MYOM2: variants seen among roughly 807,000 people sequenced by gnomAD.
MYOM2 encodes myomesin-2.
In MYOM2, 254 loss-of-function variants were observed where a neutral mutation model predicts 187.6. That is an observed-to-expected ratio of 1.35 (90% CI 1.22 to 1.50). The LOEUF is 1.50. Among genes scored for constraint, MYOM2 ranks in the 40% most tolerant of loss-of-function variants. MYOM2 has a pLI of 0.00. For missense variants in MYOM2, 2,796 were observed against 1,924.0 expected (o/e 1.45, Z -8.48); for synonymous variants, 981 against 753.8 (o/e 1.30, Z -4.94).
chr8:2,136,104 G>A (rs1798059902), intron 32 of MYOM2, among the ~76,000 whole-genome samples: 1 of 152,232 alleles, frequency 6.6e-6, no homozygotes. Flanking sequence ...AACAGAATTA[G>A]AACCCAGTCC....
In MYOM2 at chr8:2,073,441, C is replaced by A. The variant is rs1383888311; in HGVS notation, c.1061C>A (p.Thr354Asn). 4 of 1,612,276 alleles carry A rather than the reference C, an allele frequency of 2.5e-6. No individual in the cohort carries two copies. Among genetic ancestry groups the A allele is most frequent in the Admixed American group, 1.7e-5 (1 of 59,928 alleles). ...HLHKDDEGLY[T>N]LRIVSRGGVS... ...CACAAGGACGACGAGGGCCTGTACA[C>A]CCTGCGCATCGTGTCTCGGGGCGGC... is the stretch of plus-strand genomic sequence containing the variant. Residue 354 changes from threonine to asparagine, a missense_variant, in exon 10 of 37, where the codon ACC becomes AAC. By Grantham distance (65) the Thr-to-Asn change is moderately conservative. Coordinates refer to ENST00000262113, the MANE Select transcript of MYOM2 (RefSeq NM_003970.4).
intron 21 of MYOM2, 50 bp downstream of exon 21, chr8:2,102,831 T>A (rs1403439359): frequency 1.4e-6 from 2 of 1,439,082 alleles, no homozygotes; most frequent in Non-Finnish European, 1.9e-6. Flanking sequence ...GTGGGGAGAG[T>A]GTGCATGTAT....
Position 2,052,305 on chromosome 8 carries a change from C to G in MYOM2, c.255C>G (p.Asn85Lys), listed in dbSNP as rs1236104593. Reference protein sequence around the residue: ...VSTQEDEEQENRSRYQSLVAA... With the variant: ...VSTQEDEEQEKRSRYQSLVAA... ...CGCAGGAAGATGAGGAGCAGGAGAA[C>G]AGAAGCAGGTGAGCACATGGCTTCC... The change falls in exon 3 of 37, where the codon AAC (asparagine) becomes AAG (lysine). Residue 85 changes from asparagine to lysine, a missense_variant. Transcript: ENST00000262113. 6.2e-7 allele frequency: 1 copy of G among 1,602,724 alleles called. No individual in the cohort carries two copies. The highest frequency in any genetic ancestry group is 1.1e-5 in the South Asian group (1 of 89,556).
chr8:2,128,719 A>G (rs1005685768), intron 31 of MYOM2, among the ~76,000 whole-genome samples: 1 of 151,966 alleles, frequency 6.6e-6, no homozygotes, highest in Non-Finnish European at 1.5e-5. Flanking sequence ...CTTGACTCCC[A>G]CCTGAAAGAG....
intron 15 of MYOM2, among the ~76,000 whole-genome samples, chr8:2,091,655 C>G (rs548051207): frequency 1.3e-5 from 2 of 152,346 alleles, no homozygotes; most frequent in Non-Finnish European, 1.5e-5. Context: ...AAGTTTCTAT[C>G]TGGCTCTGGT....
chr8:2,123,622 T>A lies in MYOM2; in HGVS notation c.3635T>A (p.Ile1212Asn), dbSNP rs758069225. The change falls in exon 30 of 37, where the codon ATC (isoleucine) becomes AAC (asparagine). Residue 1212 changes from isoleucine to asparagine, a missense_variant. Transcript: ENST00000262113. ...GATGACAGAGGCCAAGATGTGTCCA[T>A]CCTTGAAATAGCTGGCAAAGGTAAA... ...LKDDRGQDVS[I>N]LEIAGKVYDD... is the part of the protein sequence containing the mutation. The A allele has an allele frequency of 2.5e-6, 4 of 1,614,200 alleles. No homozygotes were observed. Among genetic ancestry groups the A allele is most frequent in the Non-Finnish European group, 3.4e-6 (4 of 1,180,010 alleles).
chr8:2,124,449 T>A lies in MYOM2; in HGVS notation c.3694+232T>A, dbSNP rs535167546. ...TACTTTAAGAAACTCAGGTTGGGCG[T>A]CCTGATTAGCCACTTCTTCCATCCT... On this transcript the variant is annotated intron_variant, in intron 31 of 36. Coordinates refer to ENST00000262113, the MANE Select transcript of MYOM2 (RefSeq NM_003970.4). 3.1e-4 allele frequency among the ~76,000 whole-genome samples: 47 copies of A among 152,306 alleles called. No homozygotes were observed. In the South Asian group the frequency reaches 6.2e-3, roughly 20 times the overall value.
intron 18 of MYOM2, among the ~76,000 whole-genome samples, chr8:2,098,310 C>T (rs968055358): frequency 6.6e-6 from 1 of 152,190 alleles, no homozygotes; most frequent in African/African-American, 2.4e-5. Flanking sequence ...GTCCCCCAGC[C>T]AGGCAGCGTC....
chr8:2,141,299 C>A, intron 34 of MYOM2, 122 bp downstream of exon 34: 2 of 767,340 alleles, frequency 2.6e-6, no homozygotes, highest in Non-Finnish European at 4.3e-6. Flanking sequence ...ATTCCTGGGA[C>A]AGAAGTGGGA....
At chr8:2,117,649 G>A (rs1415794616) in intron 27 of MYOM2, among the ~76,000 whole-genome samples, 2 of 152,184 alleles carry the variant, frequency 1.3e-5, no homozygotes, top group Admixed American at 6.5e-5. Flanking sequence ...ACAGATTCCA[G>A]TGGAGAATCA....
intron 18 of MYOM2, among the ~76,000 whole-genome samples, chr8:2,097,310 T>C (rs1796528574): frequency 6.6e-6 from 1 of 152,206 alleles, no homozygotes. Flanking sequence ...ACCTCTGTTC[T>C]GATCCCTTAC....
chr8:2,054,035 GC>G (rs1482220722), intron 3 of MYOM2, among the ~76,000 whole-genome samples: 2 of 152,190 alleles, frequency 1.3e-5, no homozygotes, highest in African/African-American at 4.8e-5. Context: ...GGATGAGTGA[GC>G]CCCGTGCTGA....
In MYOM2 at chr8:2,140,739, T is replaced by C; in HGVS notation, c.3817T>C (p.Ser1273Pro). Residue 1273 changes from serine (S) to proline (P), a missense_variant, in exon 33 of 37, where the codon TCC becomes CCC. Coordinates refer to ENST00000262113, the MANE Select transcript of MYOM2 (RefSeq NM_003970.4). Reference sequence around the variant, plus strand: ...CTTTTCAAGAGATGCTAAGATCTCATCCAGTGAGCATATGAGAATCGGGGG... The same window carrying C: ...CTTTTCAAGAGATGCTAAGATCTCACCCAGTGAGCATATGAGAATCGGGGG... The part of the protein sequence containing the change: ...NWCHKDAKIS[S>P]SEHMRIGGSE... The C allele has an allele frequency of 6.2e-7, 1 of 1,614,012 alleles. No homozygotes were observed. The highest frequency in any genetic ancestry group is 8.5e-7 in the Non-Finnish European group (1 of 1,179,972).
chr8:2,065,245 G>C (rs1320806072), intron 6 of MYOM2, among the ~76,000 whole-genome samples: 1 of 152,164 alleles, frequency 6.6e-6, no homozygotes, highest in Non-Finnish European at 1.5e-5. Flanking sequence ...AGTTTGGAAG[G>C]AGAATTTGAG....
At position 2,096,364 on chromosome 8, in the gene MYOM2, A is replaced by G. The variant is rs181548900; in HGVS notation, c.2243A>G (p.Asp748Gly). 6 of 1,614,182 alleles carry G rather than the reference A, an allele frequency of 3.7e-6. No homozygotes were observed. Among genetic ancestry groups the G allele is most frequent in the Admixed American group, 3.3e-5 (2 of 60,024 alleles). The change falls in exon 18 of 37, where the codon GAC becomes GGC. Residue 748 changes from aspartate to glycine, a missense_variant. Asp to Gly is a moderately conservative substitution (Grantham distance 94). Coordinates refer to ENST00000262113, the MANE Select transcript of MYOM2 (RefSeq NM_003970.4). ...TCGCCCATCCTGGGCTACTACCTGG[A>G]CAAGCGTGAAGTTCACCATAAAAAC... ...GGSPILGYYL[D>G]KREVHHKNWH...
chr8:2,066,701 T>C (rs969038054), intron 6 of MYOM2, among the ~76,000 whole-genome samples: 2 of 152,162 alleles, frequency 1.3e-5, no homozygotes, highest in Non-Finnish European at 2.9e-5. Flanking sequence ...CCTGTGGGGA[T>C]GCGTATGTGA....
Position 2,131,063 on chromosome 8 carries a change from G to C in MYOM2, c.3800+1831G>C, listed in dbSNP as rs538578069. On this transcript the variant is annotated intron_variant, in intron 32 of 36. Coordinates refer to ENST00000262113, the MANE Select transcript of MYOM2 (RefSeq NM_003970.4). ...CCCCCTCTTCAGCCTTGTGTGGTTTGTAGTACAGGCCATGCGCTGTGCTGG... is the reference window on the plus strand; with the variant it reads ...CCCCCTCTTCAGCCTTGTGTGGTTTCTAGTACAGGCCATGCGCTGTGCTGG... Among the ~76,000 whole-genome samples, 3 of 152,276 alleles carry C rather than the reference G, an allele frequency of 2.0e-5. No individual in the cohort carries two copies. The South Asian group carries it at 6.2e-4, about 32-fold the overall frequency.
chr8:2,052,260 C>G lies in MYOM2; in HGVS notation c.210C>G (p.Val70=), dbSNP rs776135386. 2.0e-5 allele frequency: 33 copies of G among 1,612,300 alleles called. No homozygotes were observed. In the East Asian group the frequency reaches 7.1e-4, roughly 35 times the overall value. ...QTSLGGTICR[V]CAKRVSTQED... is the part of the protein sequence containing the mutation. ...CCCTGGGAGGAACCATCTGCAGGGT[C>G]TGTGCGAAGCGAGTGAGCACGCAGG... The change falls in exon 3 of 37, where the codon GTC becomes GTG. Residue 70 remains valine, a synonymous_variant. Coordinates refer to ENST00000262113, the MANE Select transcript of MYOM2 (RefSeq NM_003970.4).
At chr8:2,102,600 T>A in intron 20 of MYOM2, 67 bp from the exon 21 acceptor site, 1 of 1,073,854 alleles carries the variant, frequency 9.3e-7, no homozygotes, top group South Asian at 1.5e-5. Flanking sequence ...CACAATAAAA[T>A]GTGAAAAACT....
Sources: allele counts gnomAD v4.1 joint callset (sites outside exome capture counted in the v4.1 genomes callset), GRCh38; gene constraint gnomAD v4.1.1; transcripts MANE v1.5; gene names NCBI Gene and HGNC (gene_info 2026-07-23, HGNC 2026-07-21).